The following PRKN variants were observed in gnomAD, a reference collection of about 807,000 sequenced individuals.
PRKN encodes the protein parkin RBR E3 ubiquitin protein ligase.
A neutral mutation model predicts 59.5 loss-of-function variants in PRKN; 56 were observed. That is an observed-to-expected ratio of 0.94 (90% CI 0.76 to 1.18). PRKN has a LOEUF of 1.18. PRKN is among the 50% of genes most tolerant of loss of function. The pLI, the probability that PRKN is intolerant of heterozygous loss-of-function variation, is 0.00. For synonymous variants in PRKN, 250 were observed against 222.1 expected (o/e 1.13, Z -1.12); for missense variants, 657 against 596.4 (o/e 1.10, Z -1.06).
intron 4 of PRKN, among the ~76,000 whole-genome samples, chr6:162,165,273 G>A (rs2128317911): frequency 6.7e-6 from 1 of 148,952 alleles, no homozygotes; most frequent in Non-Finnish European, 1.5e-5. Context: ...TTAGGCAAAG[G>A]TTTCTTTGAC....
At chr6:161,650,360 G>A (rs963411317) in intron 7 of PRKN, among the ~76,000 whole-genome samples, 1 of 152,098 alleles carries the variant, frequency 6.6e-6, no homozygotes, top group African/African-American at 2.4e-5. Context: ...ATAATTTAAG[G>A]TATGTTGATG....
intron 6 of PRKN, among the ~76,000 whole-genome samples, chr6:161,938,536 G>A (rs533760974): frequency 1.2e-4 from 19 of 152,200 alleles, no homozygotes; most frequent in Admixed American, 5.9e-4. Context: ...AACTAATTAG[G>A]CCCAAACAAA....
intron 1 of PRKN, among the ~76,000 whole-genome samples, chr6:162,478,314 G>C (rs1411187461): frequency 6.6e-6 from 1 of 152,102 alleles, no homozygotes; most frequent in African/African-American, 2.4e-5. Flanking sequence ...AAACATCAAA[G>C]ACGTGATTTC....
intron 6 of PRKN, among the ~76,000 whole-genome samples, chr6:161,846,962 T>C (rs1483413701): frequency 1.3e-5 from 2 of 152,234 alleles, no homozygotes; most frequent in East Asian, 1.9e-4. Flanking sequence ...AAACAAGAGC[T>C]TTGTTTGATT....
Position 161,535,312 on chromosome 6 carries a change from T to C in PRKN, c.1083+13542A>G, listed in dbSNP as rs577395329. On this transcript the variant is annotated intron_variant, in intron 9 of 11. Coordinates refer to ENST00000366898, the MANE Select transcript of PRKN (RefSeq NM_004562.3). ...GGGAATACGGAAAGTGAAAAATATA[T>C]ATTGTTACAAAAAAAGATAACCAAG... Among the ~76,000 whole-genome samples, 10 of 152,280 alleles carry C rather than the reference T, an allele frequency of 6.6e-5. 1 individual carries two copies. In the South Asian group the frequency reaches 2.1e-3, roughly 32 times the overall value.
rs560203100 is a variant in PRKN, at chr6:161,626,147, A to G, written c.872-56731T>C. 3.3e-5 allele frequency among the ~76,000 whole-genome samples: 5 copies of G among 152,256 alleles called. No individual in the cohort carries two copies. The South Asian group carries it at 8.3e-4, about 25-fold the overall frequency. Reference sequence around the variant, plus strand: ...ACTGTGTATTCCTCGCCGTGCACACAGTGTCAGGACAGGGCAGGCTCCAAC... The same window carrying G: ...ACTGTGTATTCCTCGCCGTGCACACGGTGTCAGGACAGGGCAGGCTCCAAC... On this transcript the variant is annotated intron_variant, in intron 7 of 11. Transcript: ENST00000366898.
intron 1 of PRKN, among the ~76,000 whole-genome samples, chr6:162,527,765 C>G (rs1430225320): frequency 1.3e-5 from 2 of 152,084 alleles, no homozygotes; most frequent in African/African-American, 4.8e-5. Flanking sequence ...CAATATAGCT[C>G]TCATCAGCAC....
intron 7 of PRKN, among the ~76,000 whole-genome samples, chr6:161,778,908 C>G (rs879809539): frequency 6.6e-6 from 1 of 152,214 alleles, no homozygotes; most frequent in East Asian, 1.9e-4. Context: ...AATTAACTGT[C>G]ATTTCTGTTT....
At chr6:162,032,907 T>C (rs955092301) in intron 5 of PRKN, among the ~76,000 whole-genome samples, 5 of 152,120 alleles carry the variant, frequency 3.3e-5, no homozygotes, top group African/African-American at 1.2e-4. Flanking sequence ...GAAAGCTGCA[T>C]GTTTGAAGTG....
chr6:162,523,002 C>T (rs1282183426), intron 1 of PRKN, among the ~76,000 whole-genome samples: 2 of 152,166 alleles, frequency 1.3e-5, no homozygotes, highest in Non-Finnish European at 2.9e-5. Context: ...CTATTACCAG[C>T]ATCGAAACCT....
rs920773449 is a variant in PRKN, at chr6:161,518,228, G to A, written c.1083+30626C>T. On this transcript the variant is annotated intron_variant, in intron 9 of 11. Transcript: ENST00000366898. This position sits in a 1 kb window ranked among gnomAD's most constrained non-coding sequence, Gnocchi z 5.0. ...TGGCAACATAGGTGCATGAGAGGGG[G>A]ACTGCCCCCACCCTGCATATCTGCT... 6.6e-6 allele frequency among the ~76,000 whole-genome samples: 1 copy of A among 152,240 alleles called. No homozygotes were observed. Among genetic ancestry groups the A allele is most frequent in the South Asian group, 2.1e-4 (1 of 4,834 alleles).
intron 2 of PRKN, among the ~76,000 whole-genome samples, chr6:162,350,366 T>G (rs1220409356): frequency 6.6e-6 from 1 of 152,188 alleles, no homozygotes; most frequent in African/African-American, 2.4e-5. Context: ...ATTCTAAATT[T>G]TATAGAGTAA....
At chr6:162,328,140 C>T (rs1268803219) in intron 2 of PRKN, among the ~76,000 whole-genome samples, 1 of 152,196 alleles carries the variant, frequency 6.6e-6, no homozygotes, top group Non-Finnish European at 1.5e-5. Flanking sequence ...GCAGGCGGGT[C>T]ACAAAGTCAA....
chr6:162,039,242 CT>C (rs1322443694), intron 5 of PRKN, among the ~76,000 whole-genome samples: 1 of 152,158 alleles, frequency 6.6e-6, no homozygotes, highest in Non-Finnish European at 1.5e-5. Context: ...AATTCTAGCC[CT>C]GCCTGAATGA....
intron 3 of PRKN, among the ~76,000 whole-genome samples, chr6:162,244,075 A>G (rs1027571256): frequency 1.3e-5 from 2 of 152,112 alleles, no homozygotes; most frequent in Admixed American, 6.6e-5. Flanking sequence ...CAATTTTGTA[A>G]TGCAACCTAA....
chr6:161,679,843 C>T (rs970117653), intron 7 of PRKN, among the ~76,000 whole-genome samples: 1 of 149,010 alleles, frequency 6.7e-6, no homozygotes, highest in South Asian at 2.1e-4. Context: ...CAAGCTCCGC[C>T]TCCTGGGTTA....
intron 5 of PRKN, among the ~76,000 whole-genome samples, chr6:161,989,787 C>G (rs991609129): frequency 6.6e-6 from 1 of 152,106 alleles, no homozygotes; most frequent in Non-Finnish European, 1.5e-5. Flanking sequence ...CTCAGCCTGC[C>G]GGTGCCCACA....
intron 5 of PRKN, among the ~76,000 whole-genome samples, chr6:162,034,909 G>T (rs1464249233): frequency 6.6e-6 from 1 of 152,176 alleles, no homozygotes; most frequent in Non-Finnish European, 1.5e-5. Context: ...GTAACAAAAT[G>T]TTAATGTCTT....
At chr6:162,148,965 G>A (rs1406408578) in intron 4 of PRKN, among the ~76,000 whole-genome samples, 1 of 152,158 alleles carries the variant, frequency 6.6e-6, no homozygotes, top group African/African-American at 2.4e-5. Flanking sequence ...TGGCCAGGGT[G>A]GGGGTACTTA....
Sources: gnomAD v4.1 joint callset for allele counts (sites outside exome capture counted in the v4.1 genomes callset) on GRCh38, gnomAD v4.1.1 for gene constraint, Gnocchi (gnomAD v3.1) non-coding constraint, MANE v1.5 for transcripts, NCBI Gene and HGNC (gene_info 2026-07-23, HGNC 2026-07-21) for gene names.